ARRB1: variants seen among roughly 807,000 people sequenced by gnomAD.
ARRB1 encodes the protein arrestin beta 1.
A neutral mutation model predicts 56.8 loss-of-function variants in ARRB1; 21 were observed. The ratio of observed to expected loss-of-function variants is 0.37; its 90% CI spans 0.26 to 0.53. ARRB1 has a LOEUF of 0.53. Among genes scored for constraint, ARRB1 ranks in the 20% least tolerant of loss-of-function variants. The pLI, the probability that ARRB1 is intolerant of heterozygous loss-of-function variation, is 0.88. For synonymous variants in ARRB1, 210 were observed against 218.6 expected (o/e 0.96, Z 0.35); for missense variants, 424 against 553.7 (o/e 0.77, Z 2.35).
intron 1 of ARRB1, among the ~76,000 whole-genome samples, chr11:75,322,231 C>A (rs1169796152): frequency 6.6e-6 from 1 of 152,216 alleles, no homozygotes; most frequent in African/African-American, 2.4e-5. Flanking sequence ...AAAACCAAAC[C>A]TACCAGCCAG....
At chr11:75,270,127 G>C (rs1370167568) in intron 13 of ARRB1, among the ~76,000 whole-genome samples, 2 of 152,270 alleles carry the variant, frequency 1.3e-5, no homozygotes, top group African/African-American at 4.8e-5. Flanking sequence ...TTGGAACAAA[G>C]CCTGTCTTCT....
In ARRB1 at chr11:75,278,726, G is replaced by C; in HGVS notation, c.501C>G (p.Val167=). 1 of 1,611,332 alleles carries C rather than the reference G, an allele frequency of 6.2e-7. No homozygotes were observed. The highest frequency in any genetic ancestry group is 8.5e-7 in the Non-Finnish European group (1 of 1,178,404). Residue 167 remains valine, a synonymous_variant, in exon 8 of 16, where the codon GTC becomes GTG. Transcript: ENST00000420843. The stretch of plus-strand genomic sequence containing the variant: ...CTGGGGCATACTGAACCTTCCGGAT[G>C]ACCAGACGCACAGAATTCCTAATGG... ...KIHKRNSVRL[V]IRKVQYAPER...
chr11:75,287,800 T>C (rs1173836683), intron 2 of ARRB1, among the ~76,000 whole-genome samples: 2 of 152,232 alleles, frequency 1.3e-5, no homozygotes, highest in Admixed American at 6.5e-5. Context: ...TGTTCTTCAG[T>C]TGCTCCTTCT....
intron 1 of ARRB1, among the ~76,000 whole-genome samples, chr11:75,327,005 ACT>A: frequency 6.7e-6 from 1 of 150,254 alleles, no homozygotes; most frequent in South Asian, 2.2e-4. Flanking sequence ...CCATGCCCAG[ACT>A]CTTGTTATTT....
intron 3 of ARRB1, among the ~76,000 whole-genome samples, chr11:75,285,956 G>A (rs1386901860): frequency 6.6e-6 from 1 of 152,244 alleles, no homozygotes; most frequent in African/African-American, 2.4e-5. Flanking sequence ...GGCCACCTCA[G>A]GGAGAAGATG....
intron 12 of ARRB1, 145 bp from the exon 13 acceptor site, chr11:75,271,869 C>T: frequency 2.4e-6 from 2 of 833,848 alleles, no homozygotes; most frequent in Non-Finnish European, 1.8e-6. Context: ...CCCTGCACAG[C>T]CCTGACTGCT....
intron 1 of ARRB1, among the ~76,000 whole-genome samples, chr11:75,300,946 C>A (rs1243224931): frequency 7.8e-6 from 1 of 127,788 alleles, no homozygotes; most frequent in East Asian, 2.2e-4. Flanking sequence ...CCAGCCTGGG[C>A]GACAGAGCGA....
intron 1 of ARRB1, among the ~76,000 whole-genome samples, chr11:75,341,251 C>T (rs371499820): frequency 2.6e-5 from 4 of 152,278 alleles, no homozygotes; most frequent in African/African-American, 9.6e-5. Context: ...AATCCTCCCA[C>T]CTCAGCCTCC....
At chr11:75,288,613 TTTC>T (rs1455310885) in intron 2 of ARRB1, among the ~76,000 whole-genome samples, 2 of 106,524 alleles carry the variant, frequency 1.9e-5, no homozygotes, top group African/African-American at 7.2e-5. Flanking sequence ...AATGCAAATC[TTTC>T]TTTTTTTTTT....
At chr11:75,336,671 G>A (rs1435301831) in intron 1 of ARRB1, among the ~76,000 whole-genome samples, 1 of 152,108 alleles carries the variant, frequency 6.6e-6, no homozygotes, top group Non-Finnish European at 1.5e-5. Flanking sequence ...CTGCATGCCT[G>A]GTCCCTGGGC....
At chr11:75,342,145 C>T (rs906483920) in intron 1 of ARRB1, among the ~76,000 whole-genome samples, 1 of 152,188 alleles carries the variant, frequency 6.6e-6, no homozygotes, top group African/African-American at 2.4e-5. Context: ...AGGCCAGAGC[C>T]CCTTCCCTCC....
chr11:75,282,033 AG>A lies in ARRB1; in HGVS notation c.355-13del. 3 of 1,613,976 alleles carry A rather than the reference AG, an allele frequency of 1.9e-6. No individual in the cohort carries two copies. The highest frequency in any genetic ancestry group is 2.5e-6 in the Non-Finnish European group (3 of 1,179,886). On this transcript the variant is annotated splice_polypyrimidine_tract_variant and intron_variant, in intron 5 of 15. Coordinates refer to ENST00000420843, the MANE Select transcript of ARRB1 (RefSeq NM_004041.5). ...AGGTTTGGAGGGATCTGTCAAGAAG[AG>A]GACAGAACGAGCCACCTGTCACATC...
At chr11:75,341,897 C>T (rs928613714) in intron 1 of ARRB1, among the ~76,000 whole-genome samples, 1 of 152,204 alleles carries the variant, frequency 6.6e-6, no homozygotes, top group Non-Finnish European at 1.5e-5. Context: ...GACTCCTACA[C>T]TGTCTGCCAC....
intron 2 of ARRB1, among the ~76,000 whole-genome samples, chr11:75,288,288 G>A (rs1484753343): frequency 2.6e-5 from 4 of 152,238 alleles, no homozygotes; most frequent in Non-Finnish European, 5.9e-5. Context: ...ACCTCACACA[G>A]TTAGCAGTTC....
At chr11:75,280,637 C>T (rs1946312141) in intron 7 of ARRB1, among the ~76,000 whole-genome samples, 1 of 152,262 alleles carries the variant, frequency 6.6e-6, no homozygotes. Context: ...ACTATCTCCA[C>T]TTCCTCCTCA....
rs1403778627 is a variant in ARRB1, at chr11:75,281,877, T to C, written c.414+85A>G. 4.3e-6 allele frequency: 6 copies of C among 1,400,776 alleles called. No individual in the cohort carries two copies. The Admixed American group carries it at 7.2e-5, about 17-fold the overall frequency. The allele number at this position is 1,400,776 out of a possible 1,614,324, so 86.8% of individuals were successfully genotyped here. On this transcript the variant is annotated intron_variant, in intron 6 of 15. Transcript: ENST00000420843. ...TCAACAGGGAGAGTGGTCCTGTGTG[T>C]CCAGCACCTCCCAGGGAGAAAGCCA...
chr11:75,262,993 G>A lies in ARRB1; in HGVS notation c.*3170C>T, dbSNP rs560713459. Among the ~76,000 whole-genome samples the A allele has an allele frequency of 1.3e-5, 2 of 152,294 alleles. No homozygotes were observed. The highest frequency in any genetic ancestry group is 2.4e-5 in the African/African-American group (1 of 41,558). Reference sequence around the variant, plus strand: ...AGGAGGTCCCGCTGGCTCTCTGCTCGGTGGGTTTTCACCGGGGCATGCTTT... The same window carrying A: ...AGGAGGTCCCGCTGGCTCTCTGCTCAGTGGGTTTTCACCGGGGCATGCTTT... On this transcript the variant is annotated 3_prime_UTR_variant, in exon 16 of 16. Transcript: ENST00000420843.
chr11:75,280,329 T>A (rs36006020), intron 7 of ARRB1, among the ~76,000 whole-genome samples: 1 of 152,194 alleles, frequency 6.6e-6, no homozygotes, highest in African/African-American at 2.4e-5. Flanking sequence ...ATACACCCTA[T>A]AGCCACCAGG....
At chr11:75,270,315 C>T (rs758715171) in intron 13 of ARRB1, among the ~76,000 whole-genome samples, 3 of 152,020 alleles carry the variant, frequency 2.0e-5, no homozygotes, top group Non-Finnish European at 4.4e-5. Context: ...ACACTGCCAC[C>T]ACCACCCATC....
Sources: gnomAD v4.1 joint callset for allele counts (sites outside exome capture counted in the v4.1 genomes callset) on GRCh38, gnomAD v4.1.1 for gene constraint, MANE v1.5 for transcripts, NCBI Gene and HGNC (gene_info 2026-07-23, HGNC 2026-07-21) for gene names.